Variants in SEMA4C observed in about 807,000 individuals in gnomAD.
The protein encoded by SEMA4C is semaphorin 4C, also known as semaphorin-4C.
In SEMA4C, 19 loss-of-function variants were observed where a neutral mutation model predicts 89.0. That is an observed-to-expected ratio of 0.21 (90% CI 0.15 to 0.31). The LOEUF is 0.31. Ranked by LOEUF, SEMA4C falls within the 10% of genes least tolerant of loss-of-function variation. SEMA4C has a pLI of 1.00. For missense variants in SEMA4C, 811 were observed against 1,107.0 expected (o/e 0.73, Z 3.79); for synonymous variants, 428 against 472.7 (o/e 0.91, Z 1.23).
Position 96,869,421 on chromosome 2 carries a change from G to C in SEMA4C, c.-38+455C>G, listed in dbSNP as rs1029723086. On this transcript the variant is annotated intron_variant, in intron 1 of 14. Transcript: ENST00000305476. ...AGCCGGGGACGGCGCGGCCCGGCTC[G>C]GCCCGGGGGCCTGGCTTTCCGGGAC... The C allele has an allele frequency of 2.7e-5, 27 of 985,136 alleles. No individual in the cohort carries two copies. In the African/African-American group the frequency reaches 3.0e-4, roughly 11 times the overall value. 61.0% of individuals were successfully genotyped at this position (985,136 alleles called of 1,614,324 possible).
chr2:96,864,184 G>A lies in SEMA4C; in HGVS notation c.1108-36C>T. ...GGTGTGGGGGGCAGGCCATCAGCAGGGTGGGATGGCACCGCAGCTGGGTGG... is the reference window on the plus strand; with the variant it reads ...GGTGTGGGGGGCAGGCCATCAGCAGAGTGGGATGGCACCGCAGCTGGGTGG... On this transcript the variant is annotated intron_variant, in intron 10 of 14. Coordinates refer to ENST00000305476, the MANE Select transcript of SEMA4C (RefSeq NM_017789.5). This position sits in a 1 kb window ranked among gnomAD's most constrained non-coding sequence, Gnocchi z 6.3. The A allele has an allele frequency of 1.9e-6, 3 of 1,612,996 alleles. No homozygotes were observed. The highest frequency in any genetic ancestry group is 2.5e-6 in the Non-Finnish European group (3 of 1,179,800).
At position 96,860,384 on chromosome 2, in the gene SEMA4C, C is replaced by T; in HGVS notation, c.*242G>A. On this transcript the variant is annotated 3_prime_UTR_variant, in exon 15 of 15. Transcript: ENST00000305476. ...TTGAAAAGTTTTGGCGGCTGGGGTCCCGCGTGTCTGTGATTCACAGAGAGG... is the reference window on the plus strand; with the variant it reads ...TTGAAAAGTTTTGGCGGCTGGGGTCTCGCGTGTCTGTGATTCACAGAGAGG... 1 of 512,934 alleles carries T rather than the reference C, an allele frequency of 1.9e-6. No individual in the cohort carries two copies. The highest frequency in any genetic ancestry group is 3.4e-6 in the Non-Finnish European group (1 of 292,332). 31.8% of individuals were successfully genotyped at this position (512,934 alleles called of 1,614,324 possible). A position where few individuals can be genotyped will look rare whatever the true frequency, so the allele number is the denominator to read the frequency against.
At position 96,861,936 on chromosome 2, in the gene SEMA4C, C is replaced by T. The variant is rs747782529; in HGVS notation, c.1444-42G>A. On this transcript the variant is annotated intron_variant, in intron 12 of 14. Coordinates refer to ENST00000305476, the MANE Select transcript of SEMA4C (RefSeq NM_017789.5). The surrounding 1 kb of genome is among the most constrained non-coding windows in gnomAD (Gnocchi z 7.8). The stretch of plus-strand genomic sequence containing the variant: ...GCGCAGGAGGGGGGTCGGCCAGGGC[C>T]ACACCACGGGAGGGGCGGCCGGACC... 7 of 1,566,176 alleles carry T rather than the reference C, an allele frequency of 4.5e-6. No individual in the cohort carries two copies. Among genetic ancestry groups the T allele is most frequent in the Non-Finnish European group, 6.0e-6 (7 of 1,157,242 alleles).
In SEMA4C at chr2:96,865,089, C is replaced by T. The variant is rs1356340493; in HGVS notation, c.661G>A (p.Val221Ile). The change falls in exon 8 of 15, where the codon GTA becomes ATA. Residue 221 changes from valine to isoleucine, a missense_variant. Around this residue, in one of 4 missense-constraint regions of SEMA4C, gnomAD observed 441 missense variants for 664.9 expected, o/e 0.66. Coordinates refer to ENST00000305476, the MANE Select transcript of SEMA4C (RefSeq NM_017789.5). ...NEPHFVGSAY[V>I]PESVGSFTGD... ...GTGAAGCTGCCCACACTCTCAGGTA[C>T]ATAGGCAGAGCCTACAAAGTGAGGT... The T allele has an allele frequency of 6.4e-7, 1 of 1,566,108 alleles. No individual in the cohort carries two copies. The highest frequency in any genetic ancestry group is 2.4e-5 in the East Asian group (1 of 41,914).
rs753544411 is a variant in SEMA4C, at chr2:96,864,238, C to T, written c.1107G>A (p.Ser369=). ...GATGCATCCCTGCCCTAGCACTCACCGAGCCAGGCCGAGGGCTGGGTACAG... is the reference window on the plus strand; with the variant it reads ...GATGCATCCCTGCCCTAGCACTCACTGAGCCAGGCCGAGGGCTGGGTACAG... ...TDPVPSPRPG[S]CINNWHRRHG... is the part of the protein sequence containing the mutation. Residue 369 remains serine, a splice_region_variant and synonymous_variant, in exon 10 of 15, where the codon TCG becomes TCA. Coordinates refer to ENST00000305476, the MANE Select transcript of SEMA4C (RefSeq NM_017789.5). This position sits in a 1 kb window ranked among gnomAD's most constrained non-coding sequence, Gnocchi z 6.3. The T allele has an allele frequency of 5.0e-6, 8 of 1,613,734 alleles. No individual in the cohort carries two copies. The highest frequency in any genetic ancestry group is 1.7e-5 in the Admixed American group (1 of 60,000).
intron 1 of SEMA4C, chr2:96,868,967 C>G (rs2153365909): frequency 1.0e-6 from 1 of 985,370 alleles, no homozygotes; most frequent in East Asian, 1.1e-4. Flanking sequence ...TGCTCACCCC[C>G]AAACAAAGGG....
At position 96,864,699 on chromosome 2, in the gene SEMA4C, A is replaced by C; in HGVS notation, c.962+6T>G. On this transcript the variant is annotated splice_donor_region_variant and intron_variant, in intron 9 of 14. Coordinates refer to ENST00000305476, the MANE Select transcript of SEMA4C (RefSeq NM_017789.5). This position sits in a 1 kb window ranked among gnomAD's most constrained non-coding sequence, Gnocchi z 6.3. ...CCCCACTCTGTGGGAGCCCTGGCCA[A>C]CTCACCACTGTGCTTGAAAAACCCC... 6.2e-7 allele frequency: 1 copy of C among 1,601,472 alleles called. No homozygotes were observed. The highest frequency in any genetic ancestry group is 2.2e-5 in the East Asian group (1 of 44,636).
rs1181014596 is a variant in SEMA4C, at chr2:96,860,962, G to A, written c.2166C>T (p.Pro722=). Residue 722 remains proline, a synonymous_variant, in exon 15 of 15, where the codon CCC becomes CCT. Coordinates refer to ENST00000305476, the MANE Select transcript of SEMA4C (RefSeq NM_017789.5). ...AAAGTTTCTCATCTGGTTCAGGACA[G>A]GGCCGGAAGGGGGGACTGGTGGGCT... is the stretch of plus-strand genomic sequence containing the variant. The part of the protein sequence containing the change: ...PKEPTSPPFR[P]CPEPDEKLWD... The A allele has an allele frequency of 3.1e-6, 5 of 1,612,922 alleles. No individual in the cohort carries two copies. The African/African-American group carries it at 6.7e-5, about 22-fold the overall frequency.
Position 96,863,736 on chromosome 2 carries a change from C to G in SEMA4C, c.1389G>C (p.Glu463Asp). The change falls in exon 12 of 15, where the codon GAG becomes GAC. Residue 463 changes from glutamate to aspartate, a missense_variant. Physicochemically the swap from Glu to Asp is conservative, Grantham distance 45. Transcript: ENST00000305476. ...TGGGCTCCTGGTCAAACAGCTGCAG[C>G]TCCTCAATCAGGTGAACCCAGGGCC... ...SLGPWVHLIE[E>D]LQLFDQEPMR... 6.2e-7 allele frequency: 1 copy of G among 1,614,070 alleles called. No individual in the cohort carries two copies. Among genetic ancestry groups the G allele is most frequent in the Non-Finnish European group, 8.5e-7 (1 of 1,180,032 alleles).
rs558739284 is a variant in SEMA4C at position 96,864,504 on chromosome 2, G to A, written c.963-122C>T. 1.4e-6 allele frequency: 2 copies of A among 1,468,462 alleles called. No individual in the cohort carries two copies. The highest frequency in any genetic ancestry group is 2.5e-5 in the South Asian group (2 of 79,098). The allele number at this position is 1,468,462 out of a possible 1,614,324, so 91.0% of individuals were successfully genotyped here. A position where few individuals can be genotyped will look rare whatever the true frequency, so the allele number is the denominator to read the frequency against. ...CTGGCCATGGGTACCAGAATGCCCTGGCAGCTCAAGTGCCACCTGGCATGG... is the reference window on the plus strand; with the variant it reads ...CTGGCCATGGGTACCAGAATGCCCTAGCAGCTCAAGTGCCACCTGGCATGG... On this transcript the variant is annotated intron_variant, in intron 9 of 14. Coordinates refer to ENST00000305476, the MANE Select transcript of SEMA4C (RefSeq NM_017789.5). This position sits in a 1 kb window ranked among gnomAD's most constrained non-coding sequence, Gnocchi z 6.3.
At chr2:96,868,913 C>T in intron 1 of SEMA4C, 1 of 985,408 alleles carries the variant, frequency 1.0e-6, no homozygotes, top group Non-Finnish European at 1.2e-6. Flanking sequence ...TTCCCCTGCT[C>T]CAGCCTTCCC....
chr2:96,868,874 C>A, intron 1 of SEMA4C: 3 of 985,338 alleles, frequency 3.0e-6, no homozygotes, highest in African/African-American at 3.5e-5. Context: ...CCCCAGGGAC[C>A]CTGGCCTGGG....
In SEMA4C at chr2:96,864,357, A is replaced by G; in HGVS notation, c.988T>C (p.Cys330Arg). ...QWGDMYLSAICEYQLEEIQRV... is the reference protein window; with the variant it reads ...QWGDMYLSAIREYQLEEIQRV... ...TGGATCTCTTCCAACTGGTACTCAC[A>G]GATGGCCGACAGGTACATGTCACCC... The change falls in exon 10 of 15, where the codon TGT (cysteine) becomes CGT (arginine). Residue 330 changes from cysteine to arginine, a missense_variant. By Grantham distance (180) the Cys-to-Arg change is radical (BLOSUM62 -3). Around this residue, in one of 4 missense-constraint regions of SEMA4C, gnomAD observed 441 missense variants for 664.9 expected, o/e 0.66. Transcript: ENST00000305476. The surrounding 1 kb of genome is among the most constrained non-coding windows in gnomAD (Gnocchi z 6.3). 1 of 1,613,882 alleles carries G rather than the reference A, an allele frequency of 6.2e-7. No homozygotes were observed. The highest frequency in any genetic ancestry group is 8.5e-7 in the Non-Finnish European group (1 of 1,180,016).
At chr2:96,868,746 G>A (rs1266933265) in intron 1 of SEMA4C, 7 of 985,066 alleles carry the variant, frequency 7.1e-6, no homozygotes, top group South Asian at 4.7e-5. Flanking sequence ...GGCGACGGGG[G>A]GAGGTAGGGG....
chr2:96,862,736 C>G (rs553131257), intron 12 of SEMA4C: 1 of 152,310 alleles, frequency 6.6e-6, no homozygotes, highest in Non-Finnish European at 1.5e-5. Context: ...GTGATGGGAG[C>G]CTGTAGTCCC....
Position 96,860,490 on chromosome 2 carries a change from A to G in SEMA4C, c.*136T>C. On this transcript the variant is annotated 3_prime_UTR_variant, in exon 15 of 15. Coordinates refer to ENST00000305476, the MANE Select transcript of SEMA4C (RefSeq NM_017789.5). ...CCCGTGCTGAGCAGAGCAGGTCCTCATGGCCGGGTGGGTGCTGGGCAGTAT... is the reference window on the plus strand; with the variant it reads ...CCCGTGCTGAGCAGAGCAGGTCCTCGTGGCCGGGTGGGTGCTGGGCAGTAT... 1.3e-6 allele frequency: 1 copy of G among 788,944 alleles called. No homozygotes were observed. Among genetic ancestry groups the G allele is most frequent in the South Asian group, 1.9e-5 (1 of 51,566 alleles). The allele number at this position is 788,944 out of a possible 1,614,324, so 48.9% of individuals were successfully genotyped here.
In SEMA4C at chr2:96,863,802, G is replaced by A; in HGVS notation, c.1331-8C>T. The A allele has an allele frequency of 1.9e-6, 3 of 1,612,510 alleles. No homozygotes were observed. The highest frequency in any genetic ancestry group is 1.1e-5 in the South Asian group (1 of 91,056). ...TGAGCAGCCAGCCGTCTCCTGGGGG[G>A]TGCAGAGGAGAAGGTGTAAATGAGA... is the stretch of plus-strand genomic sequence containing the variant. On this transcript the variant is annotated splice_region_variant and splice_polypyrimidine_tract_variant and intron_variant, in intron 11 of 14. Transcript: ENST00000305476.
intron 1 of SEMA4C, chr2:96,869,514 A>G (rs1461789960): frequency 4.1e-6 from 4 of 984,890 alleles, no homozygotes; most frequent in Non-Finnish European, 4.8e-6. Flanking sequence ...ATCCCACAAC[A>G]TCGGCCTCCC....
At chr2:96,863,058 C>T (rs559948893) in intron 12 of SEMA4C, 232 of 171,070 alleles carry the variant, frequency 1.4e-3, no homozygotes, top group Non-Finnish European at 2.3e-3. Context: ...AAACAAAAAA[C>T]CTTTAGCTGG....
Sources: gnomAD v4.1 joint callset for allele counts on GRCh38, gnomAD v4.1.1 for gene constraint, gnomAD v4.1.1 regional missense constraint, Gnocchi (gnomAD v3.1) non-coding constraint, MANE v1.5 for transcripts, NCBI Gene and HGNC (gene_info 2026-07-23, HGNC 2026-07-21) for gene names.